Variants in SULT1E1 observed in about 807,000 individuals in gnomAD.
SULT1E1 encodes the protein sulfotransferase 1E1.
In SULT1E1, 36 loss-of-function variants were observed where a neutral mutation model predicts 33.6. That is an observed-to-expected ratio of 1.07 (90% CI 0.82 to 1.41). SULT1E1 has a LOEUF of 1.41. Among genes scored for constraint, SULT1E1 ranks in the 40% most tolerant of loss-of-function variants. SULT1E1 has a pLI of 0.00. For missense variants in SULT1E1, 371 were observed against 345.7 expected (o/e 1.07, Z -0.58); for synonymous variants, 121 against 111.7 (o/e 1.08, Z -0.53).
chr4:69,831,788 C>T, the SULT1E1 span, among the ~76,000 whole-genome samples: 2 of 152,120 alleles, frequency 1.3e-5, no homozygotes, highest in African/African-American at 4.8e-5. Context: ...AGCCAGGGGG[C>T]AGCTCCTATT....
At chr4:69,854,172 T>G in intron 4 of SULT1E1, 45 bp downstream of exon 4, 1 of 1,411,814 alleles carries the variant, frequency 7.1e-7, no homozygotes, top group Non-Finnish European at 1.0e-6. Context: ...ACTCTATCAT[T>G]TCTTGGAATT....
chr4:69,828,016 G>A, the SULT1E1 span, among the ~76,000 whole-genome samples: 1 of 152,246 alleles, frequency 6.6e-6, no homozygotes, highest in Non-Finnish European at 1.5e-5. Flanking sequence ...CTTTAGGCCA[G>A]AAGCCCCCAA....
downstream of SULT1E1, among the ~76,000 whole-genome samples, chr4:69,837,328 T>A (rs970839649): frequency 3.3e-5 from 5 of 152,046 alleles, no homozygotes; most frequent in African/African-American, 1.2e-4. Flanking sequence ...TTTGGAGCAA[T>A]CCCTGACACA....
At chr4:69,853,361 T>C (rs2110071964) in intron 4 of SULT1E1, among the ~76,000 whole-genome samples, 1 of 152,274 alleles carries the variant, frequency 6.6e-6, no homozygotes, top group Non-Finnish European at 1.5e-5. Flanking sequence ...CATTAAAATG[T>C]CAGAGTCCAA....
At chr4:69,850,513 T>C (rs1227112617) in intron 4 of SULT1E1, among the ~76,000 whole-genome samples, 2 of 152,128 alleles carry the variant, frequency 1.3e-5, no homozygotes, top group East Asian at 1.9e-4. Context: ...TCTCGTTTTA[T>C]AGCCCTCTTG....
At chr4:69,849,758 T>C (rs1721064480) in intron 4 of SULT1E1, among the ~76,000 whole-genome samples, 195 bp from the exon 5 acceptor site, 1 of 152,032 alleles carries the variant, frequency 6.6e-6, no homozygotes, top group Non-Finnish European at 1.5e-5. Flanking sequence ...TGTAGTGTTG[T>C]TCTCTTTGTT....
chr4:69,842,711 A>G (rs563173696), intron 7 of SULT1E1, among the ~76,000 whole-genome samples: 1 of 152,176 alleles, frequency 6.6e-6, no homozygotes, highest in Admixed American at 6.5e-5. Context: ...CCTCTTAAAC[A>G]CTTCTGCTAC....
Position 69,841,947 on chromosome 4 carries a change from G to GAAAAAAAAA in SULT1E1, c.*46_*47insTTTTTTTTT. On this transcript the variant is annotated 3_prime_UTR_variant, in exon 8 of 8. Transcript: ENST00000226444. The stretch of plus-strand genomic sequence containing the variant: ...AAAATAAGAAAAAGTGGAGAATAAT[G>GAAAAAAAAA]AAAAGAAATCTTTAATATCAGATAT... The GAAAAAAAAA allele has an allele frequency of 9.9e-7, 1 of 1,011,938 alleles. No individual in the cohort carries two copies. The allele number at this position is 1,011,938 out of a possible 1,614,324, so 62.7% of individuals were successfully genotyped here.
At chr4:69,831,577 C>T in the SULT1E1 span, among the ~76,000 whole-genome samples, 1 of 152,176 alleles carries the variant, frequency 6.6e-6, no homozygotes, top group Admixed American at 6.5e-5. Context: ...CAGTTTAATT[C>T]CATAATCCCC....
At chr4:69,837,600 C>T (rs1720815010), downstream of SULT1E1, among the ~76,000 whole-genome samples, 2 of 152,042 alleles carry the variant, frequency 1.3e-5, no homozygotes, top group Admixed American at 6.5e-5. Context: ...AAAAACTTTG[C>T]CACTTCTCAG....
At chr4:69,850,171 G>T (rs1043344553) in intron 4 of SULT1E1, among the ~76,000 whole-genome samples, 2 of 151,992 alleles carry the variant, frequency 1.3e-5, no homozygotes, top group African/African-American at 4.8e-5. Context: ...AGAAAACTGT[G>T]GTTTTAGTTT....
At position 69,857,604 on chromosome 4, in the gene SULT1E1, ACTT is replaced by A. The variant is rs771588981; in HGVS notation, c.38_40del (p.Glu13del). 1.7e-5 allele frequency: 28 copies of A among 1,608,330 alleles called. No homozygotes were observed. The highest frequency in any genetic ancestry group is 2.3e-5 in the Non-Finnish European group (27 of 1,178,516). On this transcript the variant is annotated inframe_deletion, in exon 2 of 8. Transcript: ENST00000226444. ...ATCTTTATACATTAGAATCCCATGGACTTCTTCAAACTTTTCATAATAGTCAAG... is the reference window on the plus strand; with the variant it reads ...ATCTTTATACATTAGAATCCCATGGACTTCAAACTTTTCATAATAGTCAAG...
At chr4:69,823,126 G>A in the SULT1E1 span, among the ~76,000 whole-genome samples, 1 of 152,100 alleles carries the variant, frequency 6.6e-6, no homozygotes, top group Non-Finnish European at 1.5e-5. Context: ...CAGACTCAAC[G>A]TCCAAAGACT....
chr4:69,833,413 T>C, the SULT1E1 span, among the ~76,000 whole-genome samples: 6 of 152,198 alleles, frequency 3.9e-5, no homozygotes. Context: ...ATAACAGACT[T>C]CTTACTTGTA....
the SULT1E1 span, among the ~76,000 whole-genome samples, chr4:69,828,358 G>A: frequency 6.6e-5 from 10 of 152,134 alleles, no homozygotes; most frequent in African/African-American, 2.2e-4. Flanking sequence ...CACAGTGAAG[G>A]TCTGTGGCTT....
chr4:69,856,891 G>A (rs1202069491), intron 2 of SULT1E1, among the ~76,000 whole-genome samples: 3 of 130,092 alleles, frequency 2.3e-5, no homozygotes, highest in East Asian at 2.3e-4. Flanking sequence ...AGCAGAGATC[G>A]CGCCACTGCA....
chr4:69,855,524 G>A (rs1439150528), intron 2 of SULT1E1, 98 bp from the exon 3 acceptor site: 3 of 1,249,446 alleles, frequency 2.4e-6, no homozygotes, highest in African/African-American at 3.0e-5. Context: ...AGGTACCAAT[G>A]CAATACTATT....
chr4:69,849,433 C>T lies in SULT1E1; in HGVS notation c.496+4G>A, dbSNP rs1315178182. 2 of 1,609,392 alleles carry T rather than the reference C, an allele frequency of 1.2e-6. No homozygotes were observed. Among genetic ancestry groups the T allele is most frequent in the Admixed American group, 3.3e-5 (2 of 59,748 alleles). On this transcript the variant is annotated splice_donor_region_variant and intron_variant, in intron 5 of 7. Coordinates refer to ENST00000226444, the MANE Select transcript of SULT1E1 (RefSeq NM_005420.3). ...AAAATTCAGTGTAAAGAAGCTGTTC[C>T]TACCCTGTCCTTGCATGAATTTCTC...
chr4:69,834,454 T>G, the SULT1E1 span, among the ~76,000 whole-genome samples: 1 of 152,198 alleles, frequency 6.6e-6, no homozygotes, highest in Non-Finnish European at 1.5e-5. Context: ...TTCTGATCTA[T>G]TCATGTAAAC....
Sources: allele counts gnomAD v4.1 joint callset (sites outside exome capture counted in the v4.1 genomes callset), GRCh38; gene constraint gnomAD v4.1.1; transcripts MANE v1.5; gene names NCBI Gene and HGNC (gene_info 2026-07-23, HGNC 2026-07-21).